CNTNAP2: variants seen among roughly 807,000 people sequenced by gnomAD.
CNTNAP2 encodes the protein contactin associated protein 2.
A neutral mutation model predicts 155.2 loss-of-function variants in CNTNAP2; 98 were observed. The observed-to-expected ratio is 0.63, with a 90% CI of 0.54 to 0.75. The LOEUF is 0.75. Among genes scored for constraint, CNTNAP2 ranks in the 30% least tolerant of loss-of-function variants. CNTNAP2 has a pLI of 0.00. For synonymous variants in CNTNAP2, 651 were observed against 631.2 expected, an observed-to-expected ratio of 1.03 and a Z score of -0.47; for missense variants, 1,727 against 1,688.1, an observed-to-expected ratio of 1.02 and a Z score of -0.40.
rs998541991 is a variant in CNTNAP2, at chr7:147,267,757, C to T, written c.1349-32384C>T. Among the ~76,000 whole-genome samples, 4 of 152,242 alleles carry T rather than the reference C, an allele frequency of 2.6e-5. No individual in the cohort carries two copies. In the East Asian group the frequency reaches 7.7e-4, roughly 29 times the overall value. On this transcript the variant is annotated intron_variant, in intron 8 of 23. Coordinates refer to ENST00000361727, the MANE Select transcript of CNTNAP2 (RefSeq NM_014141.6). Reference sequence around the variant, plus strand: ...ATTTGTACTTAATTTTCATAGTACTCTCATAAAACTGATATGTGTTGAGTG... The same window carrying T: ...ATTTGTACTTAATTTTCATAGTACTTTCATAAAACTGATATGTGTTGAGTG...
Position 148,312,425 on chromosome 7 carries a change from A to C in CNTNAP2, c.3475+45299A>C, listed in dbSNP as rs190125180. Among the ~76,000 whole-genome samples, 699 of 152,346 alleles carry C rather than the reference A, an allele frequency of 4.6e-3. 6 individuals are homozygous for C. Among genetic ancestry groups the C allele is most frequent in the African/African-American group, 0.016 (668 of 41,570 alleles). The stretch of plus-strand genomic sequence containing the variant: ...GGAGCTGTCTGTGAAGCCTTGCGGC[A>C]GTACAGCCCAGGTAATTTGCTGAGC... On this transcript the variant is annotated intron_variant, in intron 21 of 23. Coordinates refer to ENST00000361727, the MANE Select transcript of CNTNAP2 (RefSeq NM_014141.6).
chr7:146,184,440 GA>G (rs1277669146), intron 1 of CNTNAP2, among the ~76,000 whole-genome samples: 6 of 152,142 alleles, frequency 3.9e-5, no homozygotes, highest in African/African-American at 1.4e-4. Context: ...CCTACTGTAA[GA>G]AATTATAATA....
intron 10 of CNTNAP2, among the ~76,000 whole-genome samples, chr7:147,402,972 C>T (rs1345331010): frequency 8.1e-6 from 1 of 123,358 alleles, no homozygotes; most frequent in East Asian, 2.2e-4. Context: ...AAAAAAAAAA[C>T]TAGTTTAGGT....
intron 13 of CNTNAP2, among the ~76,000 whole-genome samples, chr7:147,892,569 A>G (rs1799713248): frequency 6.6e-6 from 1 of 152,154 alleles, no homozygotes; most frequent in Non-Finnish European, 1.5e-5. Context: ...AGAATTACAA[A>G]CTCCCATATA....
At position 148,211,312 on chromosome 7, in the gene CNTNAP2, G is replaced by A. The variant is rs1041200461; in HGVS notation, c.3011-5976G>A. On this transcript the variant is annotated intron_variant, in intron 18 of 23. Coordinates refer to ENST00000361727, the MANE Select transcript of CNTNAP2 (RefSeq NM_014141.6). ...GATATCTGGGAAGAGGTAGGAGAGCGCATTGGGCGACAGAAAGGAGTAAGC... is the reference window on the plus strand; with the variant it reads ...GATATCTGGGAAGAGGTAGGAGAGCACATTGGGCGACAGAAAGGAGTAAGC... Among the ~76,000 whole-genome samples, 12 of 152,180 alleles carry A rather than the reference G, an allele frequency of 7.9e-5. No individual in the cohort carries two copies. The South Asian group carries it at 8.3e-4, about 10-fold the overall frequency.
intron 14 of CNTNAP2, among the ~76,000 whole-genome samples, chr7:147,905,091 C>T (rs886764806): frequency 2.6e-5 from 4 of 152,208 alleles, no homozygotes; most frequent in Admixed American, 2.6e-4. Context: ...CTCTTCTAGG[C>T]ACTGGGGATA....
At chr7:146,994,159 T>C (rs1798263767) in intron 3 of CNTNAP2, among the ~76,000 whole-genome samples, 1 of 152,116 alleles carries the variant, frequency 6.6e-6, no homozygotes, top group South Asian at 2.1e-4. Flanking sequence ...AAGTGACAAA[T>C]GACATAGGTT....
intron 3 of CNTNAP2, among the ~76,000 whole-genome samples, chr7:147,009,376 G>A (rs1212555097): frequency 6.6e-6 from 1 of 152,094 alleles, no homozygotes; most frequent in Non-Finnish European, 1.5e-5. Flanking sequence ...GCCATATAAT[G>A]TCTAACAAAA....
chr7:147,658,149 T>A lies in CNTNAP2; in HGVS notation c.2098+18843T>A, dbSNP rs972283214. Among the ~76,000 whole-genome samples, 31 of 139,758 alleles carry A rather than the reference T, an allele frequency of 2.2e-4. 4 individuals carry two copies. The highest frequency in any genetic ancestry group is 9.6e-4 in the South Asian group (4 of 4,158). The allele number at this position is 139,758 out of a possible 152,430, so 91.7% of individuals were successfully genotyped here. ...GCGGGCGCCTGTGGTCCCAGCTACTTGGGAGGCTGAGGCAGGAGAATGGCG... is the reference window on the plus strand; with the variant it reads ...GCGGGCGCCTGTGGTCCCAGCTACTAGGGAGGCTGAGGCAGGAGAATGGCG... On this transcript the variant is annotated intron_variant, in intron 13 of 23. Coordinates refer to ENST00000361727, the MANE Select transcript of CNTNAP2 (RefSeq NM_014141.6).
intron 1 of CNTNAP2, among the ~76,000 whole-genome samples, chr7:146,178,037 AT>A (rs1295583639): frequency 6.6e-6 from 1 of 151,424 alleles, no homozygotes; most frequent in Non-Finnish European, 1.5e-5. Flanking sequence ...TTTTATTTTT[AT>A]TTTTTTATTT....
intron 13 of CNTNAP2, among the ~76,000 whole-genome samples, chr7:147,666,111 G>A (rs1359712269): frequency 6.6e-6 from 1 of 152,108 alleles, no homozygotes; most frequent in East Asian, 1.9e-4. Context: ...AGAAAACTCA[G>A]ACAAAAGAGA....
At position 146,395,833 on chromosome 7, in the gene CNTNAP2, GA is replaced by G. The variant is rs60860930; in HGVS notation, c.97+278861del. On this transcript the variant is annotated intron_variant, in intron 1 of 23. Coordinates refer to ENST00000361727, the MANE Select transcript of CNTNAP2 (RefSeq NM_014141.6). ...GATAGATAGATAGATAGAGGAGAGAGAGAGAGAGAGAGAGAGAGAGAGATTA... is the reference window on the plus strand; with the variant it reads ...GATAGATAGATAGATAGAGGAGAGAGGAGAGAGAGAGAGAGAGAGAGATTA... Among the ~76,000 whole-genome samples, 210 of 98,550 alleles carry G rather than the reference GA, an allele frequency of 2.1e-3. 1 individual carries two copies. Among genetic ancestry groups the G allele is most frequent in the African/African-American group, 0.012 (199 of 16,068 alleles). The allele number at this position is 98,550 out of a possible 152,430, so 64.7% of individuals were successfully genotyped here.
intron 13 of CNTNAP2, among the ~76,000 whole-genome samples, chr7:147,841,947 G>A (rs886357497): frequency 3.3e-5 from 5 of 149,858 alleles, no homozygotes; most frequent in African/African-American, 1.2e-4. Context: ...TAACAAAATG[G>A]TAGATTTTAA....
intron 1 of CNTNAP2, among the ~76,000 whole-genome samples, chr7:146,135,345 G>T (rs116326468): frequency 0.015 from 2,242 of 152,140 alleles, 60 homozygotes; most frequent in African/African-American, 0.051. Flanking sequence ...CCACTAACTA[G>T]TTGGATAGCC....
At chr7:147,174,053 C>G (rs963168235) in intron 8 of CNTNAP2, among the ~76,000 whole-genome samples, 1 of 152,216 alleles carries the variant, frequency 6.6e-6, no homozygotes, top group Non-Finnish European at 1.5e-5. Flanking sequence ...CCCTCTGAAT[C>G]ATGTATGTCC....
Position 147,269,296 on chromosome 7 carries a change from G to C in CNTNAP2, c.1349-30845G>C, listed in dbSNP as rs564800760. 2.6e-5 allele frequency among the ~76,000 whole-genome samples: 4 copies of C among 152,100 alleles called. No homozygotes were observed. In the East Asian group the frequency reaches 7.7e-4, roughly 29 times the overall value. ...TAGGTTAAGAAAATGTTTTATTTAG[G>C]CTTTTCTAATTGCAAAAAACAAAGA... On this transcript the variant is annotated intron_variant, in intron 8 of 23. Coordinates refer to ENST00000361727, the MANE Select transcript of CNTNAP2 (RefSeq NM_014141.6).
intron 9 of CNTNAP2, among the ~76,000 whole-genome samples, chr7:147,311,570 G>A (rs2620442): frequency 0.49 from 74,331 of 151,660 alleles, 19,365 homozygotes; most frequent in East Asian, 0.73. Context: ...CTGACCTCAG[G>A]TAGGAAGGGA....
intron 11 of CNTNAP2, among the ~76,000 whole-genome samples, chr7:147,520,615 A>G (rs1354982409): frequency 6.6e-6 from 1 of 152,190 alleles, no homozygotes; most frequent in African/African-American, 2.4e-5. Flanking sequence ...AAAGGTCTGC[A>G]TTTGGTGTCT....
intron 1 of CNTNAP2, among the ~76,000 whole-genome samples, chr7:146,569,981 T>C (rs1449644077): frequency 6.6e-6 from 1 of 152,212 alleles, no homozygotes; most frequent in East Asian, 1.9e-4. Flanking sequence ...TTTCAGGGGC[T>C]ACGTGTATAT....
Sources: gnomAD v4.1 joint callset for allele counts (sites outside exome capture counted in the v4.1 genomes callset) on GRCh38, gnomAD v4.1.1 for gene constraint, MANE v1.5 for transcripts, NCBI Gene and HGNC (gene_info 2026-07-23, HGNC 2026-07-21) for gene names.